The following UMAD1 variants were observed in gnomAD, a reference collection of about 807,000 sequenced individuals.
The protein encoded by UMAD1 is UBAP1-MVB12-associated (UMA) domain containing 1.
A neutral mutation model predicts 6.1 loss-of-function variants in UMAD1; 8 were observed. The observed-to-expected ratio is 1.30, with a 90% CI of 0.76 to 2.35. The LOEUF is 2.35. Among genes scored for constraint, UMAD1 ranks in the 30% most tolerant of loss-of-function variants. UMAD1 has a pLI of 0.00. For missense variants in UMAD1, 130 were observed against 78.4 expected, an observed-to-expected ratio of 1.66 and a Z score of -2.49; for synonymous variants, 56 against 31.4, an observed-to-expected ratio of 1.78 and a Z score of -2.61.
At position 7,850,029 on chromosome 7, in the gene UMAD1, A is replaced by C. The variant is rs373340090; in HGVS notation, c.157-27252A>C. On this transcript the variant is annotated intron_variant, in intron 3 of 3. Coordinates refer to ENST00000682710, the MANE Select transcript of UMAD1 (RefSeq NM_001302348.2). The stretch of plus-strand genomic sequence containing the variant: ...CCATTTTTGATGATGTTGTAGGGAA[A>C]AGGAAAACCTTCATGCCCAGTATAA... 4.6e-5 allele frequency among the ~76,000 whole-genome samples: 7 copies of C among 152,300 alleles called. No individual in the cohort carries two copies. The East Asian group carries it at 7.7e-4, about 17-fold the overall frequency.
chr7:7,791,337 A>T (rs780979502), intron 2 of UMAD1, among the ~76,000 whole-genome samples: 3 of 152,176 alleles, frequency 2.0e-5, no homozygotes, highest in Non-Finnish European at 4.4e-5. Context: ...AGAGCTTTCT[A>T]TTGGCAGTAT....
chr7:7,822,679 A>G (rs1783263019), intron 3 of UMAD1, among the ~76,000 whole-genome samples: 1 of 152,138 alleles, frequency 6.6e-6, no homozygotes, highest in African/African-American at 2.4e-5. Context: ...AGAAATAGCC[A>G]TAACGCTTTA....
intron 3 of UMAD1, among the ~76,000 whole-genome samples, chr7:7,870,131 C>T (rs778797580): frequency 6.6e-6 from 1 of 152,028 alleles, no homozygotes; most frequent in Non-Finnish European, 1.5e-5. Flanking sequence ...AACTGATGAA[C>T]AAGAAATAGT....
intron 2 of UMAD1, among the ~76,000 whole-genome samples, chr7:7,798,156 G>A (rs1001822865): frequency 6.6e-6 from 1 of 152,178 alleles, no homozygotes; most frequent in Non-Finnish European, 1.5e-5. Context: ...TGGTAGAGTT[G>A]TGAAGTTGTG....
At position 7,640,824 on chromosome 7, in the gene UMAD1, A is replaced by C; in HGVS notation, c.-64+3A>C. On this transcript the variant is annotated splice_donor_region_variant and intron_variant, in intron 1 of 3. Transcript: ENST00000682710. ...GGGGACTGCGGGGCCAGCCTCAGGT[A>C]CCTCGTCTCGCGGGAGGCGCCGCAA... is the stretch of plus-strand genomic sequence containing the variant. The C allele has an allele frequency of 5.2e-6, 1 of 194,040 alleles. No homozygotes were observed. 12.0% of individuals were successfully genotyped at this position (194,040 alleles called of 1,614,324 possible). A position where few individuals can be genotyped will look rare whatever the true frequency, so the allele number is the denominator to read the frequency against.
chr7:7,784,595 T>C (rs1228483011), intron 2 of UMAD1, among the ~76,000 whole-genome samples: 2 of 151,798 alleles, frequency 1.3e-5, no homozygotes, highest in Non-Finnish European at 2.9e-5. Flanking sequence ...TCCGCCCTCC[T>C]CGGCGTCCCA....
intron 3 of UMAD1, among the ~76,000 whole-genome samples, chr7:7,825,776 A>G (rs1340694448): frequency 6.6e-6 from 1 of 152,174 alleles, no homozygotes; most frequent in African/African-American, 2.4e-5. Context: ...GGACCTTTTA[A>G]TCACCACTCA....
chr7:7,651,802 A>G (rs932662349), intron 1 of UMAD1, among the ~76,000 whole-genome samples: 16 of 152,162 alleles, frequency 1.1e-4, no homozygotes, highest in Middle Eastern at 3.2e-3. Context: ...AAGGTCTGTG[A>G]GTGAGTTGAA....
chr7:7,844,127 G>T (rs73343523), intron 3 of UMAD1, among the ~76,000 whole-genome samples: 10,063 of 152,186 alleles, frequency 0.066, 879 homozygotes, highest in East Asian at 0.2. Context: ...ATTATTTTGA[G>T]GACCACTCTG....
chr7:7,767,610 C>G (rs540718146), intron 2 of UMAD1, among the ~76,000 whole-genome samples: 45 of 152,130 alleles, frequency 3.0e-4, no homozygotes, highest in Non-Finnish European at 5.6e-4. Flanking sequence ...AAAGTGCCAG[C>G]TCTGGATCAT....
At chr7:7,865,075 A>C (rs1008246321) in intron 3 of UMAD1, among the ~76,000 whole-genome samples, 1 of 152,070 alleles carries the variant, frequency 6.6e-6, no homozygotes, top group Non-Finnish European at 1.5e-5. Context: ...ACTGTTCATG[A>C]GGGTATCCTC....
chr7:7,827,001 A>T (rs1436933075), intron 3 of UMAD1, among the ~76,000 whole-genome samples: 1 of 152,110 alleles, frequency 6.6e-6, no homozygotes, highest in Non-Finnish European at 1.5e-5. Context: ...ATTATAAGGA[A>T]TTATAAGACT....
intron 2 of UMAD1, among the ~76,000 whole-genome samples, chr7:7,784,787 A>G (rs756895517): frequency 1.2e-3 from 110 of 91,922 alleles, no homozygotes; most frequent in Non-Finnish European, 1.5e-3. Flanking sequence ...TTTGAGACGG[A>G]GTCTTGCTGT....
intron 1 of UMAD1, among the ~76,000 whole-genome samples, chr7:7,656,622 C>T (rs1422699775): frequency 2.0e-5 from 3 of 152,162 alleles, no homozygotes. Context: ...CAGCTTCATC[C>T]ATGTCCCTGC....
intron 1 of UMAD1, among the ~76,000 whole-genome samples, chr7:7,649,668 C>T (rs1785178833): frequency 6.7e-6 from 1 of 148,186 alleles, no homozygotes; most frequent in Admixed American, 6.8e-5. Context: ...GAATGTTATA[C>T]ATTCTGTATT....
intron 3 of UMAD1, among the ~76,000 whole-genome samples, chr7:7,852,689 G>A (rs569679381): frequency 9.2e-5 from 14 of 152,254 alleles, no homozygotes; most frequent in African/African-American, 2.9e-4. Context: ...GAGCTGGCAC[G>A]TGCTAACCTT....
In UMAD1 at chr7:7,642,628, A is replaced by G. The variant is rs1036736207; in HGVS notation, c.-64+1807A>G. On this transcript the variant is annotated intron_variant, in intron 1 of 3. Coordinates refer to ENST00000682710, the MANE Select transcript of UMAD1 (RefSeq NM_001302348.2). ...CAGCTTTTTCGTGTATTTTTGAGTC[A>G]CTTAAAATATTATAAAATACATGAT... Among the ~76,000 whole-genome samples, 3 of 152,330 alleles carry G rather than the reference A, an allele frequency of 2.0e-5. No homozygotes were observed. The East Asian group carries it at 5.8e-4, about 29-fold the overall frequency.
intron 3 of UMAD1, among the ~76,000 whole-genome samples, chr7:7,820,154 G>T (rs964454900): frequency 3.6e-5 from 5 of 137,484 alleles, no homozygotes; most frequent in Admixed American, 7.4e-5. Context: ...TCAGTTAAGG[G>T]TTAAGGAGTT....
intron 2 of UMAD1, among the ~76,000 whole-genome samples, chr7:7,681,951 A>G (rs1779923241): frequency 6.6e-6 from 1 of 152,216 alleles, no homozygotes; most frequent in Non-Finnish European, 1.5e-5. Flanking sequence ...AAAGAAGGAA[A>G]AATAACAACA....
Sources: allele counts gnomAD v4.1 joint callset (sites outside exome capture counted in the v4.1 genomes callset), GRCh38; gene constraint gnomAD v4.1.1; transcripts MANE v1.5; gene names NCBI Gene and HGNC (gene_info 2026-07-23, HGNC 2026-07-21).